Variants in TMEM117 observed in about 807,000 individuals in gnomAD.
The protein encoded by TMEM117 is transmembrane protein 117.
In TMEM117, 27 loss-of-function variants were observed where a neutral mutation model predicts 52.4. The observed-to-expected ratio is 0.51, with a 90% CI of 0.38 to 0.71. The LOEUF (loss-of-function observed/expected upper bound fraction) is 0.71. Among genes scored for constraint, TMEM117 ranks in the 30% least tolerant of loss-of-function variants. TMEM117 has a pLI of 0.00. For synonymous variants in TMEM117, 215 were observed against 206.3 expected, an observed-to-expected ratio of 1.04 and a Z score of -0.36; for missense variants, 556 against 630.5, an observed-to-expected ratio of 0.88 and a Z score of 1.26.
intron 4 of TMEM117, among the ~76,000 whole-genome samples, chr12:44,194,807 G>A (rs896664063): frequency 6.6e-6 from 1 of 152,182 alleles, no homozygotes; most frequent in Non-Finnish European, 1.5e-5. Context: ...TCCAGCCTGG[G>A]TGACAGAGGA....
intron 5 of TMEM117, among the ~76,000 whole-genome samples, chr12:44,212,867 T>A (rs1389384204): frequency 1.3e-5 from 2 of 152,122 alleles, no homozygotes; most frequent in Non-Finnish European, 2.9e-5. Flanking sequence ...ATACACTCTA[T>A]GTTATCTTTT....
chr12:43,825,716 A>G, the TMEM117 span, among the ~76,000 whole-genome samples: 26 of 152,194 alleles, frequency 1.7e-4, no homozygotes, highest in African/African-American at 2.9e-4. Context: ...TTAAATGTGC[A>G]TAAGAGTTAT....
chr12:44,103,214 C>T (rs770259281), intron 3 of TMEM117, among the ~76,000 whole-genome samples: 4 of 150,420 alleles, frequency 2.7e-5, no homozygotes, highest in African/African-American at 9.8e-5. Flanking sequence ...CTTTTCTCAG[C>T]ATAACTCCAT....
chr12:44,152,645 A>T (rs1399753759), intron 4 of TMEM117, among the ~76,000 whole-genome samples: 2 of 129,522 alleles, frequency 1.5e-5, no homozygotes, highest in African/African-American at 5.9e-5. Context: ...ATAAATTTTT[A>T]TATATAATAT....
chr12:43,912,547 A>G (rs1250861105), intron 2 of TMEM117, among the ~76,000 whole-genome samples: 4 of 146,782 alleles, frequency 2.7e-5, no homozygotes, highest in Non-Finnish European at 4.4e-5. Context: ...GGCAGAATGA[A>G]AGCTCCATGT....
intron 3 of TMEM117, among the ~76,000 whole-genome samples, chr12:43,978,202 T>C (rs1945703621): frequency 6.6e-6 from 1 of 152,282 alleles, no homozygotes; most frequent in African/African-American, 2.4e-5. Flanking sequence ...TGCTTGATTA[T>C]TACTGTAAGC....
chr12:43,967,019 C>A (rs971760276), intron 3 of TMEM117, among the ~76,000 whole-genome samples: 136 of 152,284 alleles, frequency 8.9e-4, no homozygotes, highest in African/African-American at 3.1e-3. Flanking sequence ...ATCCTACTTC[C>A]TGGTATTAAG....
intron 3 of TMEM117, among the ~76,000 whole-genome samples, chr12:43,948,505 C>T (rs1253648128): frequency 6.6e-6 from 1 of 152,010 alleles, no homozygotes; most frequent in African/African-American, 2.4e-5. Flanking sequence ...CGGGGTTTCA[C>T]CGTATTAGCC....
intron 5 of TMEM117, among the ~76,000 whole-genome samples, chr12:44,284,885 GATTAACT>G (rs1194254458): frequency 6.6e-6 from 1 of 152,098 alleles, no homozygotes; most frequent in Admixed American, 6.5e-5. Context: ...TCCTAACCAA[GATTAACT>G]ATGTTCTATA....
intron 5 of TMEM117, among the ~76,000 whole-genome samples, chr12:44,295,688 T>A (rs1950759769): frequency 6.6e-6 from 1 of 151,836 alleles, no homozygotes; most frequent in African/African-American, 2.4e-5. Context: ...TTTTTTTTTT[T>A]ATGGTTTCTA....
At chr12:44,192,618 GT>G (rs943589744) in intron 4 of TMEM117, among the ~76,000 whole-genome samples, 5 of 151,982 alleles carry the variant, frequency 3.3e-5, no homozygotes, top group African/African-American at 7.3e-5. Context: ...TAAATAAAAT[GT>G]TTTTACAAAA....
intron 4 of TMEM117, among the ~76,000 whole-genome samples, chr12:44,187,731 GC>G (rs1949297090): frequency 6.6e-6 from 1 of 151,980 alleles, no homozygotes; most frequent in Non-Finnish European, 1.5e-5. Context: ...AACCCTTTTG[GC>G]CACCAGTATT....
intron 2 of TMEM117, among the ~76,000 whole-genome samples, chr12:43,865,297 A>G (rs1427016026): frequency 6.6e-6 from 1 of 152,158 alleles, no homozygotes; most frequent in Non-Finnish European, 1.5e-5. Context: ...AAGTCCTTCT[A>G]ACTTTACCTT....
intron 6 of TMEM117, among the ~76,000 whole-genome samples, chr12:44,354,286 C>A (rs1951610849): frequency 6.6e-6 from 1 of 152,054 alleles, no homozygotes; most frequent in African/African-American, 2.4e-5. Context: ...CCCTTTATTT[C>A]CTTCTTCTGC....
intron 4 of TMEM117, among the ~76,000 whole-genome samples, chr12:44,152,306 A>AT (rs1490769993): frequency 9.5e-6 from 1 of 105,414 alleles, no homozygotes; most frequent in African/African-American, 4.3e-5. Context: ...TAATATTTAT[A>AT]TATAATCATA....
At chr12:44,254,821 A>G (rs1010165608) in intron 5 of TMEM117, among the ~76,000 whole-genome samples, 6 of 146,500 alleles carry the variant, frequency 4.1e-5, no homozygotes, top group South Asian at 2.2e-4. Context: ...CCCCCACCCC[A>G]CAACAGTACC....
chr12:44,013,073 T>C (rs932351568), intron 3 of TMEM117, among the ~76,000 whole-genome samples: 2 of 151,780 alleles, frequency 1.3e-5, no homozygotes, highest in African/African-American at 2.4e-5. Flanking sequence ...CCCAAGCTCA[T>C]GTCCAGTAAT....
At chr12:44,183,248 A>T (rs1949230688) in intron 4 of TMEM117, among the ~76,000 whole-genome samples, 1 of 152,204 alleles carries the variant, frequency 6.6e-6, no homozygotes, top group Admixed American at 6.5e-5. Context: ...GTTTATTTAG[A>T]CATTCCCTAT....
chr12:44,126,940 A>G (rs1263445001), intron 3 of TMEM117, among the ~76,000 whole-genome samples: 1 of 152,268 alleles, frequency 6.6e-6, no homozygotes, highest in African/African-American at 2.4e-5. Flanking sequence ...CTGTGTTGCA[A>G]CAAAATTCAT....
Sources: gnomAD v4.1 joint callset for allele counts (sites outside exome capture counted in the v4.1 genomes callset) on GRCh38, gnomAD v4.1.1 for gene constraint, MANE v1.5 for transcripts, NCBI Gene and HGNC (gene_info 2026-07-23, HGNC 2026-07-21) for gene names.